PRKDC: variants seen among roughly 807,000 people sequenced by gnomAD.
PRKDC encodes protein kinase, DNA-activated, catalytic subunit, also known as DNA-dependent protein kinase catalytic subunit.
PRKDC carries 82 observed loss-of-function variants against 486.9 expected under a neutral mutation model. The ratio of observed to expected loss-of-function variants is 0.17; its 90% CI spans 0.14 to 0.20. PRKDC has a LOEUF of 0.20. Ranked by LOEUF, PRKDC falls within the 10% of genes least tolerant of loss-of-function variation. The pLI is 1.00. For synonymous variants in PRKDC, 1,895 were observed against 1,837.0 expected, an observed-to-expected ratio of 1.03 and a Z score of -0.81; for missense variants, 4,504 against 5,038.2, an observed-to-expected ratio of 0.89 and a Z score of 3.21.
rs150609242 is a variant in PRKDC at position 47,912,225 on chromosome 8, G to A, written c.2934+185C>T. 5.2e-3 allele frequency among the ~76,000 whole-genome samples: 788 copies of A among 152,210 alleles called. 12 individuals carry two copies. The highest frequency in any genetic ancestry group is 0.018 in the African/African-American group (762 of 41,514). The stretch of plus-strand genomic sequence containing the variant: ...AGACACACTGAAAGTGGAGGGGAGA[G>A]CTTTTAGAAGTCCTGGTGCCCAGGT... On this transcript the variant is annotated intron_variant, in intron 25 of 85. Transcript: ENST00000314191.
In PRKDC at chr8:47,929,119, A is replaced by T. The variant is rs1000728174; in HGVS notation, c.2112T>A (p.Phe704Leu). 52 of 1,574,826 alleles carry T rather than the reference A, an allele frequency of 3.3e-5. No individual in the cohort carries two copies. The highest frequency in any genetic ancestry group is 4.1e-5 in the Non-Finnish European group (48 of 1,158,188). The change falls in exon 19 of 86, where the codon TTT becomes TTA. Residue 704 changes from phenylalanine (F) to leucine (L), a missense_variant. Transcript: ENST00000314191. ...SPEDPEKYSC[F>L]ALFVKFGKEV... Reference sequence around the variant, plus strand: ...CTTTGCCAAATTTCACAAATAAAGCAAAGCAAGAATACTTTTCTGGGTCTT... The same window carrying T: ...CTTTGCCAAATTTCACAAATAAAGCTAAGCAAGAATACTTTTCTGGGTCTT...
chr8:47,873,373 C>A (rs2089005497), intron 40 of PRKDC, among the ~76,000 whole-genome samples: 1 of 151,952 alleles, frequency 6.6e-6, no homozygotes, highest in Non-Finnish European at 1.5e-5. Flanking sequence ...CCCATCTCTA[C>A]TAAACATACA....
At chr8:47,823,714 C>T (rs1051632307) in intron 64 of PRKDC, 144 bp downstream of exon 64, 2 of 933,188 alleles carry the variant, frequency 2.1e-6, no homozygotes, top group African/African-American at 1.6e-5. Flanking sequence ...TATAAGGAAA[C>T]CAATTTTCTT....
chr8:47,778,597 G>A lies in PRKDC; in HGVS notation c.11715C>T (p.Ala3905=). ...EAFLALRSHF[A]SSHALICISH... is the part of the protein sequence containing the mutation. ...TGATGCATATCAGAGCGTGAGAGCTGGCGAAGTGGGAGCGGAGCGCCAGGA... is the reference window on the plus strand; with the variant it reads ...TGATGCATATCAGAGCGTGAGAGCTAGCGAAGTGGGAGCGGAGCGCCAGGA... Residue 3905 remains alanine, a synonymous_variant, in exon 83 of 86, where the codon GCC becomes GCT. Coordinates refer to ENST00000314191, the MANE Select transcript of PRKDC (RefSeq NM_006904.7). 6.2e-7 allele frequency: 1 copy of A among 1,613,768 alleles called. No homozygotes were observed.
intron 59 of PRKDC, among the ~76,000 whole-genome samples, chr8:47,833,386 T>C (rs2087934488): frequency 6.6e-6 from 1 of 152,134 alleles, no homozygotes. Flanking sequence ...GGCCCTTTCC[T>C]CTCTGCACAT....
At position 47,819,423 on chromosome 8, in the gene PRKDC, T is replaced by C. The variant is rs770233827; in HGVS notation, c.9424A>G (p.Ile3142Val). Residue 3142 changes from isoleucine to valine, a missense_variant, in exon 67 of 86, where the codon ATC becomes GTC. Coordinates refer to ENST00000314191, the MANE Select transcript of PRKDC (RefSeq NM_006904.7). Reference sequence around the variant, plus strand: ...TTACCTTGTTTGCTTATAAAGCTGATGAACTCCTGAATTTCTGTTAAAGCC... The same window carrying C: ...TTACCTTGTTTGCTTATAAAGCTGACGAACTCCTGAATTTCTGTTAAAGCC... Reference protein sequence around the residue: ...VQALTEIQEFISFISKQGNLS... With the variant: ...VQALTEIQEFVSFISKQGNLS... 21 of 1,546,148 alleles carry C rather than the reference T, an allele frequency of 1.4e-5. No individual in the cohort carries two copies. The highest frequency in any genetic ancestry group is 1.7e-5 in the Non-Finnish European group (20 of 1,155,594).
chr8:47,916,898 C>A (rs986620062), intron 22 of PRKDC, among the ~76,000 whole-genome samples: 1 of 152,150 alleles, frequency 6.6e-6, no homozygotes, highest in Non-Finnish European at 1.5e-5. Flanking sequence ...TGGCCTTGCA[C>A]CCTGGATCCC....
chr8:47,818,468 A>G (rs1460656271), intron 67 of PRKDC, among the ~76,000 whole-genome samples: 4 of 151,010 alleles, frequency 2.6e-5, no homozygotes, highest in Non-Finnish European at 5.9e-5. Flanking sequence ...AGTCCCAGCT[A>G]CTTGGGAGGC....
intron 43 of PRKDC, 118 bp from the exon 44 acceptor site, chr8:47,862,245 A>T (rs1019220932): frequency 5.0e-5 from 67 of 1,335,732 alleles, no homozygotes; most frequent in Non-Finnish European, 6.0e-5. Flanking sequence ...CTTTAAATAT[A>T]CCTATGCAGA....
At chr8:47,959,439 G>T (rs1458358015) in intron 1 of PRKDC, 2 of 152,372 alleles carry the variant, frequency 1.3e-5, no homozygotes, top group Non-Finnish European at 2.9e-5. Context: ...AGCACTTTGG[G>T]AGGCCGAGGC....
chr8:47,833,468 C>T (rs879229575), intron 59 of PRKDC, among the ~76,000 whole-genome samples: 4 of 152,096 alleles, frequency 2.6e-5, no homozygotes, highest in African/African-American at 4.8e-5. Flanking sequence ...TCCAGCCTCT[C>T]GGCACCCGTC....
At chr8:47,948,082 C>A (rs2090564579) in intron 7 of PRKDC, among the ~76,000 whole-genome samples, 1 of 147,406 alleles carries the variant, frequency 6.8e-6, no homozygotes, top group Non-Finnish European at 1.5e-5. Context: ...GACCCTGTCT[C>A]AAAAAAAATA....
At chr8:47,909,483 T>C (rs1188890220) in intron 25 of PRKDC, among the ~76,000 whole-genome samples, 3 of 152,198 alleles carry the variant, frequency 2.0e-5, no homozygotes, top group Non-Finnish European at 4.4e-5. Flanking sequence ...TTGTAAAATA[T>C]GTGTGCTTGA....
chr8:47,844,473 TTAGA>T (rs1020139589), intron 54 of PRKDC, among the ~76,000 whole-genome samples: 3 of 152,140 alleles, frequency 2.0e-5, no homozygotes, highest in African/African-American at 7.2e-5. Flanking sequence ...ACTGACAGTG[TTAGA>T]TAGATCAGGA....
At chr8:47,795,691 C>T (rs990059997) in intron 73 of PRKDC, among the ~76,000 whole-genome samples, 35 of 151,834 alleles carry the variant, frequency 2.3e-4, no homozygotes, top group Middle Eastern at 3.4e-3. Context: ...ACAAGTTTCG[C>T]CACGTTGGCC....
chr8:47,860,226 T>C (rs1013818174), intron 45 of PRKDC, among the ~76,000 whole-genome samples: 4 of 152,034 alleles, frequency 2.6e-5, no homozygotes, highest in South Asian at 2.1e-4. Context: ...ACAAGGAGCA[T>C]ATAGAGGGAT....
In PRKDC at chr8:47,912,527, C is replaced by G. The variant is rs1026517720; in HGVS notation, c.2817G>C (p.Met939Ile). Residue 939 changes from methionine (M) to isoleucine (I), a missense_variant, in exon 25 of 86, where the codon ATG becomes ATC. This residue lies in a region of PRKDC where 1,969 missense variants were observed against 2,068.9 expected (regional missense o/e 0.95). Transcript: ENST00000314191. ...TCTGCGTGGCTTTGCCCAACATAAA[C>G]ATAACCATGCTATGTAAAAGTTCAC... ...AACELLHSMV[M>I]FMLGKATQMP... is the part of the protein sequence containing the mutation. The G allele has an allele frequency of 5.0e-6, 8 of 1,612,836 alleles. No individual in the cohort carries two copies. Among genetic ancestry groups the G allele is most frequent in the Non-Finnish European group, 6.8e-6 (8 of 1,179,272 alleles).
At chr8:47,950,789 C>A (rs927122197) in intron 7 of PRKDC, among the ~76,000 whole-genome samples, 13 of 152,064 alleles carry the variant, frequency 8.5e-5, no homozygotes, top group African/African-American at 3.1e-4. Context: ...TCAATACCAG[C>A]CTGGGCAACA....
intron 84 of PRKDC, among the ~76,000 whole-genome samples, chr8:47,777,471 A>T (rs1403683189): frequency 6.6e-6 from 1 of 152,102 alleles, no homozygotes; most frequent in Non-Finnish European, 1.5e-5. Flanking sequence ...TGCCTCCCAA[A>T]GTTTTGGGAT....
Sources: allele counts gnomAD v4.1 joint callset (sites outside exome capture counted in the v4.1 genomes callset), GRCh38; gene constraint gnomAD v4.1.1; regional missense constraint gnomAD v4.1.1; transcripts MANE v1.5; gene names NCBI Gene and HGNC (gene_info 2026-07-23, HGNC 2026-07-21).